The following CASQ2 variants were observed in gnomAD, a reference collection of about 807,000 sequenced individuals.
CASQ2 encodes the protein calsequestrin-2.
A neutral mutation model predicts 46.5 loss-of-function variants in CASQ2; 49 were observed. The ratio of observed to expected loss-of-function variants is 1.05; its 90% CI spans 0.84 to 1.34. The LOEUF (loss-of-function observed/expected upper bound fraction) is 1.34, where lower values mean the gene tolerates loss of function less well. Ranked by LOEUF, CASQ2 falls within the 40% of genes most tolerant of loss-of-function variation. The pLI, the probability that CASQ2 is intolerant of heterozygous loss-of-function variation, is 0.00. For synonymous variants in CASQ2, 174 were observed against 168.5 expected, an observed-to-expected ratio of 1.03 and a Z score of -0.25; for missense variants, 486 against 481.3, an observed-to-expected ratio of 1.01 and a Z score of -0.09.
intron 4 of CASQ2, among the ~76,000 whole-genome samples, chr1:115,737,583 G>C (rs1648006539): frequency 1.3e-5 from 2 of 152,130 alleles, no homozygotes; most frequent in African/African-American, 4.8e-5. Flanking sequence ...TACTCCTCCT[G>C]GTCCCTTCTG....
intron 1 of CASQ2, among the ~76,000 whole-genome samples, chr1:115,766,857 G>A (rs1228989194): frequency 6.7e-6 from 1 of 149,144 alleles, no homozygotes. Flanking sequence ...ACTTGGGGGA[G>A]CTAGAGATGA....
At chr1:115,761,486 AG>A (rs1478158184) in intron 1 of CASQ2, among the ~76,000 whole-genome samples, 368 of 15,870 alleles carry the variant, frequency 0.023, 9 homozygotes, top group East Asian at 0.054. Flanking sequence ...AAGAAGAAGA[AG>A]GAGAAGAAGG....
At chr1:115,733,348 T>A (rs999673974) in intron 4 of CASQ2, among the ~76,000 whole-genome samples, 1 of 152,144 alleles carries the variant, frequency 6.6e-6, no homozygotes, top group African/African-American at 2.4e-5. Context: ...CTAGAGAGAG[T>A]GCAGTTTGCC....
chr1:115,749,949 G>T (rs1648521094), intron 1 of CASQ2, among the ~76,000 whole-genome samples: 1 of 152,202 alleles, frequency 6.6e-6, no homozygotes, highest in Admixed American at 6.5e-5. Flanking sequence ...CCTCACAAGG[G>T]CACAGTACTC....
At chr1:115,757,375 C>T (rs149833263) in intron 1 of CASQ2, among the ~76,000 whole-genome samples, 2 of 152,294 alleles carry the variant, frequency 1.3e-5, no homozygotes, top group African/African-American at 2.4e-5. Context: ...AGGCTTTGTT[C>T]TCCAAGCCAA....
chr1:115,761,448 GA>G (rs1648940443), intron 1 of CASQ2, among the ~76,000 whole-genome samples: 1 of 11,428 alleles, frequency 8.8e-5, no homozygotes, highest in Non-Finnish European at 1.8e-4. Flanking sequence ...GAAAGAAGAA[GA>G]AGAAGAAGAA....
At chr1:115,718,344 T>C (rs1470774015) in intron 7 of CASQ2, among the ~76,000 whole-genome samples, 1 of 152,196 alleles carries the variant, frequency 6.6e-6, no homozygotes, top group Non-Finnish European at 1.5e-5. Context: ...CACTGGCAGA[T>C]AGAGTCAGTG....
intron 1 of CASQ2, among the ~76,000 whole-genome samples, chr1:115,762,850 G>A (rs4240550): frequency 1.2e-4 from 18 of 151,918 alleles, no homozygotes; most frequent in African/African-American, 3.6e-4. Flanking sequence ...AGAGGAAGGA[G>A]TCGATGATTC....
At chr1:115,751,672 A>T (rs773125969) in intron 1 of CASQ2, among the ~76,000 whole-genome samples, 16 of 20,468 alleles carry the variant, frequency 7.8e-4, no homozygotes, top group Non-Finnish European at 2.0e-3. Context: ...CCTCCATCTT[A>T]AAAAAAAAAA....
chr1:115,713,372 C>T (rs1654606562), intron 8 of CASQ2, among the ~76,000 whole-genome samples: 1 of 152,186 alleles, frequency 6.6e-6, no homozygotes, highest in Admixed American at 6.5e-5. Flanking sequence ...CCTTCCCAGC[C>T]AGGCCTGCCT....
In CASQ2 at chr1:115,701,304, A is replaced by T. The variant is rs776130201; in HGVS notation, c.1137T>A (p.Asp379Glu). The change falls in exon 11 of 11, where the codon GAT becomes GAA. Residue 379 changes from aspartate (D) to glutamate (E), a missense_variant. Physicochemically the swap from Asp to Glu is conservative, Grantham distance 45 (BLOSUM62 2). Transcript: ENST00000261448. The part of the protein sequence containing the change: ...KINTEDDDED[D>E]DDDDNSDEED... ...CTTCATCAGAATTATCATCATCATC[A>T]TCATCTTCATCATCATCTTCAGTGT... 1.9e-6 allele frequency: 3 copies of T among 1,595,644 alleles called. No individual in the cohort carries two copies. Among genetic ancestry groups the T allele is most frequent in the Non-Finnish European group, 8.6e-7 (1 of 1,163,282 alleles).
chr1:115,761,488 GAGAAGAAGGAGA>G (rs1648954033), intron 1 of CASQ2, among the ~76,000 whole-genome samples: 2 of 13,128 alleles, frequency 1.5e-4, no homozygotes, highest in African/African-American at 4.0e-4. Flanking sequence ...GAAGAAGAAG[GAGAAGAAGGAGA>G]AGAAGAAGAA....
At chr1:115,747,288 T>C (rs1406006079) in intron 1 of CASQ2, among the ~76,000 whole-genome samples, 1 of 152,200 alleles carries the variant, frequency 6.6e-6, no homozygotes, top group Non-Finnish European at 1.5e-5. Context: ...GGCATATTCA[T>C]GTGGGTCTAT....
intron 7 of CASQ2, among the ~76,000 whole-genome samples, chr1:115,721,199 C>T (rs371292233): frequency 1.3e-5 from 2 of 152,252 alleles, no homozygotes; most frequent in African/African-American, 4.8e-5. Context: ...GAAGAAATTG[C>T]TGACTCTCCT....
chr1:115,715,375 A>T (rs1260781169), intron 8 of CASQ2, among the ~76,000 whole-genome samples: 1 of 152,222 alleles, frequency 6.6e-6, no homozygotes, highest in East Asian at 1.9e-4. Context: ...ATGGAATATT[A>T]TTCGGCCCTT....
intron 1 of CASQ2, among the ~76,000 whole-genome samples, chr1:115,756,575 T>G (rs191669442): frequency 5.8e-4 from 88 of 152,366 alleles, no homozygotes; most frequent in African/African-American, 2.1e-3. Context: ...TTAATTTTAC[T>G]GCCTTATATC....
chr1:115,735,799 T>C (rs929539637), intron 4 of CASQ2, among the ~76,000 whole-genome samples: 1 of 152,192 alleles, frequency 6.6e-6, no homozygotes, highest in African/African-American at 2.4e-5. Context: ...CTAAGTGCCC[T>C]TGAAGGACAC....
At chr1:115,759,903 C>G (rs1418399254) in intron 1 of CASQ2, among the ~76,000 whole-genome samples, 3 of 152,180 alleles carry the variant, frequency 2.0e-5, no homozygotes, top group Non-Finnish European at 4.4e-5. Context: ...TGAACCCTGA[C>G]CTGAGGATAG....
intron 7 of CASQ2, among the ~76,000 whole-genome samples, chr1:115,718,757 G>A (rs991430930): frequency 7.2e-5 from 11 of 152,112 alleles, no homozygotes; most frequent in African/African-American, 1.7e-4. Context: ...CAAACAAGGC[G>A]CATTTCATGT....
Sources: allele counts gnomAD v4.1 joint callset (sites outside exome capture counted in the v4.1 genomes callset), GRCh38; gene constraint gnomAD v4.1.1; transcripts MANE v1.5; gene names NCBI Gene and HGNC (gene_info 2026-07-23, HGNC 2026-07-21).